The following RBFOX1 variants were observed in gnomAD, a reference collection of about 807,000 sequenced individuals.
RBFOX1 encodes RNA binding protein fox-1 homolog 1.
RBFOX1 carries 8 observed loss-of-function variants against 57.7 expected under a neutral mutation model. The observed-to-expected ratio is 0.14, with a 90% CI of 0.08 to 0.25. The LOEUF (loss-of-function observed/expected upper bound fraction) is 0.25. Among genes scored for constraint, RBFOX1 ranks in the 10% least tolerant of loss-of-function variants. The pLI is 1.00. For synonymous variants in RBFOX1, 326 were observed against 222.4 expected, an observed-to-expected ratio of 1.47 and a Z score of -4.15; for missense variants, 611 against 548.5, an observed-to-expected ratio of 1.11 and a Z score of -1.14.
At chr16:7,558,145 G>A (rs1462199087) in intron 5 of RBFOX1, among the ~76,000 whole-genome samples, 1 of 152,088 alleles carries the variant, frequency 6.6e-6, no homozygotes, top group Non-Finnish European at 1.5e-5. Flanking sequence ...CTGGAACCCA[G>A]GAGTTCAAGA....
chr16:7,501,363 G>T (rs190553455), intron 4 of RBFOX1, among the ~76,000 whole-genome samples: 63 of 152,308 alleles, frequency 4.1e-4, no homozygotes, highest in Non-Finnish European at 8.1e-4. Flanking sequence ...ACAAAGGAAT[G>T]CATAAGACAG....
At chr16:7,683,274 TGATA>T (rs555830050) in intron 14 of RBFOX1, among the ~76,000 whole-genome samples, 2 of 150,986 alleles carry the variant, frequency 1.3e-5, no homozygotes, top group Admixed American at 6.6e-5. Flanking sequence ...TGGCTGTAAC[TGATA>T]GATATATTTC....
chr16:5,259,937 C>T (rs549139114), intron 1 of RBFOX1, among the ~76,000 whole-genome samples: 1 of 152,142 alleles, frequency 6.6e-6, no homozygotes, highest in Non-Finnish European at 1.5e-5. Context: ...CACGGTGGCT[C>T]ACACCTGTAA....
rs1023680741 is a variant in RBFOX1 at position 6,920,341 on chromosome 16, C to G, written c.-15-131716C>G. Among the ~76,000 whole-genome samples, 3 of 152,170 alleles carry G rather than the reference C, an allele frequency of 2.0e-5. No individual in the cohort carries two copies. The South Asian group carries it at 6.2e-4, about 32-fold the overall frequency. ...GTAGTTCTGCTCTTAATGAAGTTCA[C>G]TCCTGATATTGTCATGATACAATCT... On this transcript the variant is annotated intron_variant, in intron 3 of 15. Coordinates refer to ENST00000550418, the MANE Select transcript of RBFOX1 (RefSeq NM_018723.4).
intron 4 of RBFOX1, among the ~76,000 whole-genome samples, chr16:7,428,417 C>T (rs1232345214): frequency 2.1e-5 from 3 of 145,160 alleles, no homozygotes; most frequent in East Asian, 4.0e-4. Context: ...ACTTTTGCCT[C>T]CTGGGTTCTA....
intron 3 of RBFOX1, among the ~76,000 whole-genome samples, chr16:6,701,353 C>G (rs1007757666): frequency 1.1e-4 from 16 of 152,226 alleles, no homozygotes; most frequent in African/African-American, 3.9e-4. Context: ...TGAGATGCAT[C>G]TCCCTGTTTA....
In RBFOX1 at chr16:7,397,429, A is replaced by C. The variant is rs536224233; in HGVS notation, c.28-120718A>C. 1.4e-4 allele frequency among the ~76,000 whole-genome samples: 21 copies of C among 152,274 alleles called. 1 individual carries two copies. In the South Asian group the frequency reaches 4.4e-3, roughly 32 times the overall value. On this transcript the variant is annotated intron_variant, in intron 4 of 15. Transcript: ENST00000550418. ...AGGTCTCCAGTTGAGTTAATTCCTC[A>C]TACTTGTCACATAGGGGGCATACTA...
chr16:5,693,185 AC>A (rs563786279), intron 3 of RBFOX1, among the ~76,000 whole-genome samples: 461 of 152,182 alleles, frequency 3.0e-3, no homozygotes, highest in Non-Finnish European at 5.0e-3. Flanking sequence ...CTGAGATGAT[AC>A]ATCTCTTCTC....
intron 2 of RBFOX1, among the ~76,000 whole-genome samples, chr16:5,506,645 A>T (rs2043389755): frequency 6.6e-6 from 1 of 152,128 alleles, no homozygotes; most frequent in African/African-American, 2.4e-5. Context: ...TGGCCTGATC[A>T]CAGAGAAGGT....
intron 2 of RBFOX1, among the ~76,000 whole-genome samples, chr16:6,506,282 A>G (rs1451265095): frequency 6.6e-6 from 1 of 152,044 alleles, no homozygotes; most frequent in Non-Finnish European, 1.5e-5. Flanking sequence ...TAGAGTGGGG[A>G]AATGTAGTGA....
chr16:7,135,875 G>A (rs2071789945), intron 4 of RBFOX1, among the ~76,000 whole-genome samples: 1 of 152,184 alleles, frequency 6.6e-6, no homozygotes, highest in Non-Finnish European at 1.5e-5. Context: ...TTCAAAGAAA[G>A]CTCTGTTTGT....
intron 4 of RBFOX1, among the ~76,000 whole-genome samples, chr16:7,207,728 C>T (rs80014874): frequency 0.033 from 4,996 of 152,324 alleles, 118 homozygotes; most frequent in South Asian, 0.091. Flanking sequence ...CTCTGTAAGG[C>T]AGTTGCCTCC....
At chr16:5,779,699 C>G (rs1324159374) in intron 3 of RBFOX1, among the ~76,000 whole-genome samples, 1 of 152,142 alleles carries the variant, frequency 6.6e-6, no homozygotes, top group African/African-American at 2.4e-5. Context: ...GATGCACCCC[C>G]AACCCAAGTG....
chr16:5,956,499 C>T (rs911630777), intron 4 of RBFOX1, among the ~76,000 whole-genome samples: 2 of 151,500 alleles, frequency 1.3e-5, no homozygotes, highest in Non-Finnish European at 2.9e-5. Flanking sequence ...CCTGGAGCTC[C>T]TGTTAAAAAT....
chr16:6,702,342 TA>T, intron 3 of RBFOX1, among the ~76,000 whole-genome samples: 1 of 152,084 alleles, frequency 6.6e-6, no homozygotes, highest in South Asian at 2.1e-4. Flanking sequence ...TTACCTGAGG[TA>T]AGGAGTTCAA....
At chr16:5,256,371 G>C (rs1204179287) in intron 1 of RBFOX1, among the ~76,000 whole-genome samples, 1 of 152,148 alleles carries the variant, frequency 6.6e-6, no homozygotes, top group East Asian at 1.9e-4. Flanking sequence ...AGTTCGGGGA[G>C]GGGGCTGACA....
chr16:5,699,940 T>C (rs1321459308), intron 3 of RBFOX1, among the ~76,000 whole-genome samples: 3 of 152,154 alleles, frequency 2.0e-5, no homozygotes, highest in African/African-American at 7.2e-5. Context: ...TTCACGCCAT[T>C]CTCCTGCTCA....
At chr16:6,676,640 T>TA (rs1316838514) in intron 3 of RBFOX1, among the ~76,000 whole-genome samples, 2 of 151,840 alleles carry the variant, frequency 1.3e-5, no homozygotes, top group African/African-American at 4.8e-5. Context: ...ATTCTCAACT[T>TA]ACTTTCTTTT....
At chr16:6,228,910 T>A (rs549007842) in intron 1 of RBFOX1, among the ~76,000 whole-genome samples, 2 of 152,300 alleles carry the variant, frequency 1.3e-5, no homozygotes, top group South Asian at 4.1e-4. Context: ...GATAAACATA[T>A]ATAATTTTAT....
Sources: allele counts gnomAD v4.1 joint callset (sites outside exome capture counted in the v4.1 genomes callset), GRCh38; gene constraint gnomAD v4.1.1; transcripts MANE v1.5; gene names NCBI Gene and HGNC (gene_info 2026-07-23, HGNC 2026-07-21).